Variants in NFKB1 observed in about 807,000 individuals in gnomAD.
The protein encoded by NFKB1 is nuclear factor kappa B subunit 1.
In NFKB1, 9 loss-of-function variants were observed where a neutral mutation model predicts 105.1. The ratio of observed to expected loss-of-function variants is 0.09; its 90% CI spans 0.05 to 0.15. The LOEUF is 0.15. Among genes scored for constraint, NFKB1 ranks in the 10% least tolerant of loss-of-function variants. The pLI is 1.00. For missense variants in NFKB1, 830 were observed against 1,203.7 expected (o/e 0.69, Z 4.59); for synonymous variants, 440 against 442.2 (o/e 1.00, Z 0.06).
intron 11 of NFKB1, among the ~76,000 whole-genome samples, chr4:102,589,902 A>G (rs971266813): frequency 1.3e-5 from 2 of 152,188 alleles, no homozygotes; most frequent in South Asian, 4.1e-4. Flanking sequence ...GTAACACCAC[A>G]TAGGCAGTAA....
chr4:102,550,608 T>C (rs1465180319), intron 5 of NFKB1, among the ~76,000 whole-genome samples: 1 of 152,214 alleles, frequency 6.6e-6, no homozygotes, highest in East Asian at 1.9e-4. Context: ...CTCATTTTGC[T>C]CAGTCCAATA....
At chr4:102,606,035 T>C (rs924286198) in intron 16 of NFKB1, among the ~76,000 whole-genome samples, 1 of 152,216 alleles carries the variant, frequency 6.6e-6, no homozygotes, top group African/African-American at 2.4e-5. Flanking sequence ...AATTTACTAC[T>C]AGGTGTGCTC....
chr4:102,568,185 T>A (rs1724030063), intron 6 of NFKB1, among the ~76,000 whole-genome samples: 1 of 152,194 alleles, frequency 6.6e-6, no homozygotes, highest in Admixed American at 6.5e-5. Context: ...TGCTTTCATG[T>A]TCCTAGGTAT....
At chr4:102,565,937 A>C (rs1340758966) in intron 5 of NFKB1, among the ~76,000 whole-genome samples, 1 of 152,210 alleles carries the variant, frequency 6.6e-6, no homozygotes, top group African/African-American at 2.4e-5. Flanking sequence ...AAAACCCCTC[A>C]GTCCTAGGCA....
In NFKB1 at chr4:102,570,193, G is replaced by A. The variant is rs182539094; in HGVS notation, c.407+3058G>A. ...TACCAACTGGTAAGCACTAGGAGTA[G>A]ATATATAAATATCAAAATACAGAGG... On this transcript the variant is annotated intron_variant, in intron 6 of 23. Transcript: ENST00000226574. Among the ~76,000 whole-genome samples, 13 of 152,176 alleles carry A rather than the reference G, an allele frequency of 8.5e-5. No individual in the cohort carries two copies. In the East Asian group the frequency reaches 2.5e-3, roughly 29 times the overall value.
chr4:102,520,783 T>C (rs1740524573), intron 1 of NFKB1, among the ~76,000 whole-genome samples: 1 of 152,216 alleles, frequency 6.6e-6, no homozygotes, highest in African/African-American at 2.4e-5. Context: ...GTTGAAATTT[T>C]TCTATTGTAT....
At chr4:102,602,338 G>C (rs1727230551) in intron 16 of NFKB1, among the ~76,000 whole-genome samples, 1 of 151,394 alleles carries the variant, frequency 6.6e-6, no homozygotes, top group African/African-American at 2.4e-5. Flanking sequence ...AGATCATCCT[G>C]GCTAACATGG....
At chr4:102,593,273 G>A (rs990086327) in intron 11 of NFKB1, 152 bp from the exon 12 acceptor site, 9 of 744,472 alleles carry the variant, frequency 1.2e-5, no homozygotes, top group Middle Eastern at 4.1e-4. Context: ...TAAATATAAC[G>A]CTTCTTGAAA....
intron 1 of NFKB1, among the ~76,000 whole-genome samples, chr4:102,523,346 T>C (rs568768576): frequency 6.6e-6 from 1 of 152,330 alleles, no homozygotes; most frequent in East Asian, 1.9e-4. Flanking sequence ...ATGAACTTCA[T>C]GTTCTGAAGG....
At chr4:102,537,646 C>T (rs940951978) in intron 4 of NFKB1, 2 of 392,124 alleles carry the variant, frequency 5.1e-6, no homozygotes, top group African/African-American at 2.1e-5. Flanking sequence ...GCTTTTTAGC[C>T]ATATCTTAGT....
intron 23 of NFKB1, among the ~76,000 whole-genome samples, chr4:102,615,767 A>T (rs1728892143): frequency 6.6e-6 from 1 of 152,232 alleles, no homozygotes; most frequent in African/African-American, 2.4e-5. Flanking sequence ...TAAAGTCTTA[A>T]TATTCTAATA....
At chr4:102,541,103 C>T (rs1000248329) in intron 5 of NFKB1, among the ~76,000 whole-genome samples, 3 of 152,094 alleles carry the variant, frequency 2.0e-5, no homozygotes, top group Admixed American at 1.3e-4. Context: ...CTGTCTGACA[C>T]GTTATAAAAT....
chr4:102,608,470 T>C (rs958091717), intron 19 of NFKB1, among the ~76,000 whole-genome samples: 95 of 152,322 alleles, frequency 6.2e-4, no homozygotes, highest in African/African-American at 2.2e-3. Flanking sequence ...TGTACTATGT[T>C]TCTCTCTCCT....
intron 4 of NFKB1, among the ~76,000 whole-genome samples, chr4:102,536,170 C>T (rs2149126035): frequency 6.6e-6 from 1 of 152,028 alleles, no homozygotes; most frequent in Middle Eastern, 3.4e-3. Context: ...TTAGAAATTT[C>T]ATTTAATTAT....
intron 5 of NFKB1, among the ~76,000 whole-genome samples, chr4:102,551,621 T>A (rs1298218417): frequency 1.3e-5 from 2 of 152,174 alleles, no homozygotes; most frequent in East Asian, 3.9e-4. Context: ...GATAGTGAGA[T>A]GCTGGAGATC....
chr4:102,571,920 G>A (rs192988487), intron 6 of NFKB1, among the ~76,000 whole-genome samples: 1 of 152,240 alleles, frequency 6.6e-6, no homozygotes, highest in Non-Finnish European at 1.5e-5. Flanking sequence ...GTGGAAGACA[G>A]TGTGGCGATT....
chr4:102,607,618 C>G (rs757360521), intron 18 of NFKB1, 31 bp from the exon 19 acceptor site: 2 of 1,607,152 alleles, frequency 1.2e-6, no homozygotes, highest in African/African-American at 2.7e-5. Flanking sequence ...GAACCTTCCA[C>G]TAACGCTTTC....
intron 4 of NFKB1, among the ~76,000 whole-genome samples, chr4:102,534,151 TCTC>T (rs1741481835): frequency 6.6e-6 from 1 of 152,194 alleles, no homozygotes; most frequent in African/African-American, 2.4e-5. Flanking sequence ...TATTCTGCTG[TCTC>T]TACCAGCTTA....
chr4:102,502,390 G>GCACACACACACACACACACACA (rs754187388), intron 1 of NFKB1, among the ~76,000 whole-genome samples: 5 of 105,396 alleles, frequency 4.7e-5, no homozygotes, highest in African/African-American at 1.7e-4. Context: ...GCGCGCGCGC[G>GCACACACACACACACACACACA]CACACACACA....
Sources: allele counts gnomAD v4.1 joint callset (sites outside exome capture counted in the v4.1 genomes callset), GRCh38; gene constraint gnomAD v4.1.1; transcripts MANE v1.5; gene names NCBI Gene and HGNC (gene_info 2026-07-23, HGNC 2026-07-21).